Variants in URGCP observed in about 807,000 individuals in gnomAD.
The protein encoded by URGCP is up-regulator of cell proliferation.
A neutral mutation model predicts 24.6 loss-of-function variants in URGCP; 13 were observed. That is an observed-to-expected ratio of 0.53 (90% CI 0.34 to 0.84). URGCP has a LOEUF of 0.84. URGCP is among the 40% of genes least tolerant of loss of function. The pLI, the probability that URGCP is intolerant of heterozygous loss-of-function variation, is 0.01. For missense variants in URGCP, 899 were observed against 1,194.3 expected (o/e 0.75, Z 3.64); for synonymous variants, 444 against 487.2 (o/e 0.91, Z 1.17).
At position 43,878,336 on chromosome 7, in the gene URGCP, A is replaced by C; in HGVS notation, c.1127T>G (p.Met376Arg). 6.2e-7 allele frequency: 1 copy of C among 1,614,216 alleles called. No individual in the cohort carries two copies. The highest frequency in any genetic ancestry group is 1.1e-5 in the South Asian group (1 of 91,086). Residue 376 changes from methionine to arginine, a missense_variant, in exon 6 of 6, where the codon ATG (methionine) becomes AGG (arginine). Coordinates refer to ENST00000453200, the MANE Select transcript of URGCP (RefSeq NM_001077663.3). This position sits in a 1 kb window ranked among gnomAD's most constrained non-coding sequence, Gnocchi z 5.6. ...GTAGTATTTTGTGGTTGACTCCTTC[A>C]TGGAGTACAGCAATTTGTATTCCTT... ...SKKEYKLLYS[M>R]KESTTKYYFI... is the part of the protein sequence containing the mutation.
At chr7:43,923,903 G>A (rs997527764) in intron 1 of URGCP, among the ~76,000 whole-genome samples, 13 of 151,456 alleles carry the variant, frequency 8.6e-5, no homozygotes, top group Middle Eastern at 3.2e-3. Flanking sequence ...ACACAGTCTC[G>A]CTGTTGCCCA....
At chr7:43,916,715 C>CA (rs149039335) in intron 1 of URGCP, among the ~76,000 whole-genome samples, 2 of 19,458 alleles carry the variant, frequency 1.0e-4, no homozygotes, top group Non-Finnish European at 2.0e-4. Flanking sequence ...CTACCCACCC[C>CA]CCCCCCCCAC....
chr7:43,895,582 T>TGATACTCAAGTCTCCCAGATACTCAG (rs2095877036), intron 1 of URGCP, among the ~76,000 whole-genome samples: 1 of 152,064 alleles, frequency 6.6e-6, no homozygotes, highest in Non-Finnish European at 1.5e-5. Flanking sequence ...GGCTGAGGCA[T>TGATACTCAAGTCTCCCAGATACTCAG]GAGAATCACT....
At position 43,878,595 on chromosome 7, in the gene URGCP, A is replaced by G. The variant is rs1225377562; in HGVS notation, c.868T>C (p.Trp290Arg). Residue 290 changes from tryptophan (W) to arginine (R), a missense_variant, in exon 6 of 6, where the codon TGG becomes CGG. By Grantham distance (101) the Trp-to-Arg change is moderately radical. Coordinates refer to ENST00000453200, the MANE Select transcript of URGCP (RefSeq NM_001077663.3). This position sits in a 1 kb window ranked among gnomAD's most constrained non-coding sequence, Gnocchi z 5.6. The stretch of plus-strand genomic sequence containing the variant: ...AGGTCCCGATGCCAGAAGCAGTCCC[A>G]CTGCCTGTGGCCCGGGCTGAGGACG... ...NAVLSPGHRQ[W>R]DCFWHRDLNL... 2 of 1,614,090 alleles carry G rather than the reference A, an allele frequency of 1.2e-6. No homozygotes were observed. The highest frequency in any genetic ancestry group is 1.7e-6 in the Non-Finnish European group (2 of 1,180,048).
intron 1 of URGCP, among the ~76,000 whole-genome samples, chr7:43,916,612 T>C (rs1214466897): frequency 6.6e-6 from 1 of 152,008 alleles, no homozygotes; most frequent in Non-Finnish European, 1.5e-5. Flanking sequence ...GTCATGCTAG[T>C]ATCCATGGCA....
upstream of URGCP, chr7:43,926,481 C>T (rs1326415770): frequency 2.2e-5 from 32 of 1,433,300 alleles, no homozygotes; most frequent in Middle Eastern, 1.9e-4. Flanking sequence ...CGGCAGCGGG[C>T]CGCCTCAGGC....
At chr7:43,907,817 T>C (rs1162046525), upstream of URGCP, among the ~76,000 whole-genome samples, 1 of 152,370 alleles carries the variant, frequency 6.6e-6, no homozygotes, top group East Asian at 1.9e-4. Context: ...ATGGTCTCTT[T>C]TCCTCCTGGG....
intron 1 of URGCP, among the ~76,000 whole-genome samples, chr7:43,901,561 C>A (rs1391929786): frequency 1.3e-5 from 2 of 152,232 alleles, no homozygotes; most frequent in Non-Finnish European, 2.9e-5. Context: ...GAAGTCACAG[C>A]AGCTACTGAG....
chr7:43,891,959 T>C (rs989137263), intron 1 of URGCP, among the ~76,000 whole-genome samples: 1 of 152,108 alleles, frequency 6.6e-6, no homozygotes, highest in African/African-American at 2.4e-5. Flanking sequence ...TTTTTGTATT[T>C]TTAGTAGAGA....
In URGCP at chr7:43,876,654, T is replaced by C. The variant is rs539672180; in HGVS notation, c.*13A>G. 19 of 1,610,086 alleles carry C rather than the reference T, an allele frequency of 1.2e-5. No individual in the cohort carries two copies. In the African/African-American group the frequency reaches 1.2e-4, roughly 10 times the overall value. ...AGCAGCCTCCTACACCTGAACTGGG[T>C]TTCTCTGCACACTCACAGCCGTCTC... On this transcript the variant is annotated 3_prime_UTR_variant, in exon 6 of 6. Coordinates refer to ENST00000453200, the MANE Select transcript of URGCP (RefSeq NM_001077663.3).
intron 3 of URGCP, among the ~76,000 whole-genome samples, chr7:43,884,390 C>A (rs1180962233): frequency 6.6e-6 from 1 of 152,092 alleles, no homozygotes; most frequent in African/African-American, 2.4e-5. Flanking sequence ...AGGAAGTGAC[C>A]TAAGGATGAG....
intron 4 of URGCP, 42 bp downstream of exon 4, chr7:43,881,865 C>A (rs1207646838): frequency 1.2e-6 from 2 of 1,610,256 alleles, no homozygotes; most frequent in Non-Finnish European, 8.5e-7. Context: ...CCCACTCCCC[C>A]TCTCCCCAGT....
At chr7:43,921,648 C>T (rs2095922609) in intron 1 of URGCP, among the ~76,000 whole-genome samples, 1 of 152,324 alleles carries the variant, frequency 6.6e-6, no homozygotes, top group Admixed American at 6.5e-5. Flanking sequence ...CTCGGTAAGG[C>T]TCTTAATCTT....
chr7:43,887,604 A>T, intron 2 of URGCP, 119 bp from the exon 3 acceptor site: 1 of 1,476,692 alleles, frequency 6.8e-7, no homozygotes, highest in South Asian at 1.4e-5. Context: ...CCTGGGTCAC[A>T]CCCCAGATCC....
chr7:43,925,980 A>G (rs1357808832), intron 1 of URGCP, among the ~76,000 whole-genome samples: 1 of 152,118 alleles, frequency 6.6e-6, no homozygotes, highest in East Asian at 1.9e-4. Flanking sequence ...AGGGTTCTCA[A>G]TGTTGGCAGT....
At chr7:43,900,481 A>AAAAAAAAAAAAAAAAAAAAG (rs1554291222) in intron 1 of URGCP, among the ~76,000 whole-genome samples, 1 of 147,630 alleles carries the variant, frequency 6.8e-6, no homozygotes. Flanking sequence ...AAAAAAAAAA[A>AAAAAAAAAAAAAAAAAAAAG]AAAAAGAAAA....
At chr7:43,895,264 C>T (rs1342103281) in intron 1 of URGCP, among the ~76,000 whole-genome samples, 1 of 152,060 alleles carries the variant, frequency 6.6e-6, no homozygotes, top group African/African-American at 2.4e-5. Flanking sequence ...AGGCATCTCT[C>T]AAAAGACATA....
chr7:43,890,476 A>G (rs1037744432), intron 1 of URGCP, among the ~76,000 whole-genome samples: 1 of 152,096 alleles, frequency 6.6e-6, no homozygotes, highest in African/African-American at 2.4e-5. Context: ...TCAGCCTCCC[A>G]AAGTGCTGGG....
chr7:43,893,095 A>G (rs1225601740), intron 1 of URGCP, among the ~76,000 whole-genome samples: 3 of 152,138 alleles, frequency 2.0e-5, no homozygotes, highest in Admixed American at 6.6e-5. Context: ...TGGGAGGCCA[A>G]TGTGGGAGGA....
Sources: allele counts gnomAD v4.1 joint callset (sites outside exome capture counted in the v4.1 genomes callset), GRCh38; gene constraint gnomAD v4.1.1; non-coding constraint Gnocchi (gnomAD v3.1); transcripts MANE v1.5; gene names NCBI Gene and HGNC (gene_info 2026-07-23, HGNC 2026-07-21).